PIBF1: variants seen among roughly 807,000 people sequenced by gnomAD.
PIBF1 encodes progesterone-induced-blocking factor 1.
In PIBF1, 90 loss-of-function variants were observed where a neutral mutation model predicts 112.5. The ratio of observed to expected loss-of-function variants is 0.80; its 90% CI spans 0.67 to 0.95. PIBF1 has a LOEUF of 0.95. Ranked by LOEUF, PIBF1 falls within the 40% of genes least tolerant of loss-of-function variation. The probability of loss-of-function intolerance (pLI) is 0.00; values close to 1 mark genes in which losing one functional copy is unlikely to be tolerated. For missense variants in PIBF1, 915 were observed against 852.3 expected (o/e 1.07, Z -0.92); for synonymous variants, 301 against 288.6 (o/e 1.04, Z -0.44).
intron 11 of PIBF1, among the ~76,000 whole-genome samples, chr13:72,905,034 A>G (rs2040644182): frequency 6.6e-6 from 1 of 151,216 alleles, no homozygotes; most frequent in Middle Eastern, 3.2e-3. Flanking sequence ...ATTAGACCTT[A>G]ACACCTGACC....
intron 13 of PIBF1, among the ~76,000 whole-genome samples, 174 bp downstream of exon 13, chr13:72,917,340 ATAAAT>A (rs1410251004): frequency 6.6e-6 from 1 of 152,040 alleles, no homozygotes; most frequent in Non-Finnish European, 1.5e-5. Context: ...ATATATTTAA[ATAAAT>A]TTAGTGGTTT....
At chr13:72,868,828 T>TAAAAAA (rs56290400) in intron 10 of PIBF1, among the ~76,000 whole-genome samples, 3 of 114,268 alleles carry the variant, frequency 2.6e-5, no homozygotes, top group African/African-American at 9.9e-5. Context: ...TCCCAAAAAG[T>TAAAAAA]AAAAAAAAAA....
chr13:72,928,028 T>TATATATATAAATATATACATATATATAC (rs1555316969), intron 13 of PIBF1, among the ~76,000 whole-genome samples: 2 of 58,870 alleles, frequency 3.4e-5, no homozygotes, highest in Non-Finnish European at 7.6e-5. Context: ...TATATATACA[T>TATATATATAAATATATACATATATATAC]ATATATATAT....
intron 14 of PIBF1, among the ~76,000 whole-genome samples, chr13:72,954,344 G>A (rs1247914065): frequency 2.6e-5 from 4 of 152,324 alleles, no homozygotes; most frequent in Admixed American, 1.3e-4. Context: ...AAGCAGGGGC[G>A]CCCAACTTCT....
chr13:72,878,356 T>C, intron 10 of PIBF1, among the ~76,000 whole-genome samples: 1 of 152,214 alleles, frequency 6.6e-6, no homozygotes, highest in East Asian at 1.9e-4. Flanking sequence ...TAGTTTAAAA[T>C]ATTTTCTAAT....
intron 9 of PIBF1, among the ~76,000 whole-genome samples, chr13:72,849,496 A>T (rs1181775804): frequency 6.6e-6 from 1 of 152,220 alleles, no homozygotes. Context: ...TACTTATTAT[A>T]TGAAAGTTAT....
intron 10 of PIBF1, among the ~76,000 whole-genome samples, chr13:72,886,790 G>A (rs2039875820): frequency 6.6e-6 from 1 of 152,010 alleles, no homozygotes. Context: ...GAATTAGCTT[G>A]TAAGCCAAAA....
At chr13:72,919,484 A>T (rs1469134234) in intron 13 of PIBF1, among the ~76,000 whole-genome samples, 1 of 152,182 alleles carries the variant, frequency 6.6e-6, no homozygotes, top group Non-Finnish European at 1.5e-5. Context: ...AACCTAGGAT[A>T]TTTTGTAATT....
intron 2 of PIBF1, among the ~76,000 whole-genome samples, chr13:72,791,401 G>T (rs774606847): frequency 2.6e-5 from 4 of 152,110 alleles, no homozygotes; most frequent in Non-Finnish European, 5.9e-5. Flanking sequence ...CTTGGTTAAA[G>T]CAAAGGGAAT....
intron 12 of PIBF1, among the ~76,000 whole-genome samples, chr13:72,915,073 G>C (rs1025386774): frequency 6.6e-6 from 1 of 152,100 alleles, no homozygotes; most frequent in Non-Finnish European, 1.5e-5. Flanking sequence ...TATATAGCAT[G>C]TACATTGTGT....
At chr13:72,842,581 A>C (rs544942227) in intron 9 of PIBF1, among the ~76,000 whole-genome samples, 2 of 152,288 alleles carry the variant, frequency 1.3e-5, no homozygotes, top group Middle Eastern at 3.4e-3. Context: ...TCTTGAATCT[A>C]TTTACAAAGG....
rs551340054 is a variant in PIBF1 at position 72,885,493 on chromosome 13, T to C, written c.1323-8291T>C. Among the ~76,000 whole-genome samples, 33 of 152,264 alleles carry C rather than the reference T, an allele frequency of 2.2e-4. 1 individual carries two copies. Among genetic ancestry groups the C allele is most frequent in the Admixed American group, 1.8e-3 (28 of 15,276 alleles). On this transcript the variant is annotated intron_variant, in intron 10 of 17. Coordinates refer to ENST00000326291, the MANE Select transcript of PIBF1 (RefSeq NM_006346.4). The stretch of plus-strand genomic sequence containing the variant: ...CTCCATTCATTCACTCAGTAAGCAT[T>C]AAGAGTTAGTAATATTCTGGATATA...
At chr13:72,904,295 G>T (rs1426859737) in intron 11 of PIBF1, among the ~76,000 whole-genome samples, 1 of 151,626 alleles carries the variant, frequency 6.6e-6, no homozygotes, top group African/African-American at 2.4e-5. Context: ...TTGAAAATCA[G>T]ATATTAAAGT....
intron 8 of PIBF1, among the ~76,000 whole-genome samples, 177 bp downstream of exon 8, chr13:72,828,091 C>T (rs1432374884): frequency 2.7e-5 from 4 of 147,870 alleles, no homozygotes; most frequent in Non-Finnish European, 4.5e-5. Context: ...GACATTTCTG[C>T]TTTCTGTTTG....
intron 10 of PIBF1, among the ~76,000 whole-genome samples, chr13:72,892,999 A>G (rs923560997): frequency 3.9e-5 from 6 of 152,304 alleles, no homozygotes; most frequent in Non-Finnish European, 5.9e-5. Context: ...CACCTTACCT[A>G]GCATACTGAC....
intron 10 of PIBF1, among the ~76,000 whole-genome samples, chr13:72,880,727 ATACT>A (rs575838304): frequency 1.8e-4 from 28 of 152,342 alleles, no homozygotes; most frequent in African/African-American, 5.8e-4. Flanking sequence ...ACATTGAAAA[ATACT>A]TCAATCTCAT....
At position 72,880,959 on chromosome 13, in the gene PIBF1, C is replaced by T. The variant is rs1038235516; in HGVS notation, c.1323-12825C>T. The stretch of plus-strand genomic sequence containing the variant: ...TTTATCTCTAAAAAGAGAATAACTG[C>T]TTGCCCACTTTCACCACTGTTATTC... On this transcript the variant is annotated intron_variant, in intron 10 of 17. Transcript: ENST00000326291. The T allele has an allele frequency of 3.9e-5, 6 of 152,276 alleles. No individual in the cohort carries two copies. The East Asian group carries it at 9.7e-4, about 25-fold the overall frequency. The allele number at this position is 152,276 out of a possible 1,614,324, so 9.4% of individuals were successfully genotyped here. A position where few individuals can be genotyped will look rare whatever the true frequency, so the allele number is the denominator to read the frequency against.
chr13:72,869,102 C>T (rs1246039017), intron 10 of PIBF1, among the ~76,000 whole-genome samples: 1 of 152,048 alleles, frequency 6.6e-6, no homozygotes, highest in East Asian at 1.9e-4. Flanking sequence ...TTGACCCAGC[C>T]ATCCCATTAC....
chr13:72,815,024 G>A (rs2036200763), intron 5 of PIBF1, among the ~76,000 whole-genome samples: 1 of 152,138 alleles, frequency 6.6e-6, no homozygotes, highest in Non-Finnish European at 1.5e-5. Context: ...TTCACAGATA[G>A]ATTACTGCAA....
Sources: gnomAD v4.1 joint callset for allele counts (sites outside exome capture counted in the v4.1 genomes callset) on GRCh38, gnomAD v4.1.1 for gene constraint, MANE v1.5 for transcripts, NCBI Gene and HGNC (gene_info 2026-07-23, HGNC 2026-07-21) for gene names.